XKR9: variants seen among roughly 807,000 people sequenced by gnomAD.
The protein encoded by XKR9 is XK-related protein 9.
XKR9 carries 32 observed loss-of-function variants against 32.0 expected under a neutral mutation model. The ratio of observed to expected loss-of-function variants is 1.00; its 90% confidence interval spans 0.76 to 1.34. The LOEUF (loss-of-function observed/expected upper bound fraction) is 1.34. XKR9 is among the 40% of genes most tolerant of loss of function. The pLI, the probability that XKR9 is intolerant of heterozygous loss-of-function variation, is 0.00. For synonymous variants in XKR9, 168 were observed against 143.4 expected, an observed-to-expected ratio of 1.17 and a Z score of -1.22; for missense variants, 546 against 429.7, an observed-to-expected ratio of 1.27 and a Z score of -2.39.
the XKR9 span, among the ~76,000 whole-genome samples, chr8:70,908,183 C>A: frequency 7.0e-6 from 1 of 143,586 alleles, no homozygotes; most frequent in Admixed American, 7.0e-5. Flanking sequence ...GTAATTAATT[C>A]ATGCATTCAT....
chr8:70,942,265 C>G, the XKR9 span, among the ~76,000 whole-genome samples: 1 of 152,086 alleles, frequency 6.6e-6, no homozygotes, highest in Non-Finnish European at 1.5e-5. Flanking sequence ...AACACATCAC[C>G]CTGCAGCTAG....
chr8:70,755,464 G>A (rs1225385879), intron 2 of XKR9, among the ~76,000 whole-genome samples: 1 of 152,134 alleles, frequency 6.6e-6, no homozygotes, highest in Non-Finnish European at 1.5e-5. Flanking sequence ...GCACACGTAT[G>A]TTTATTGTGG....
At chr8:70,968,112 G>A in the XKR9 span, among the ~76,000 whole-genome samples, 1 of 152,076 alleles carries the variant, frequency 6.6e-6, no homozygotes, top group African/African-American at 2.4e-5. Context: ...AATCCCATAT[G>A]TCTTGGAAAT....
chr8:70,747,733 C>G (rs1165808546), intron 2 of XKR9, among the ~76,000 whole-genome samples: 1 of 152,136 alleles, frequency 6.6e-6, no homozygotes, highest in Non-Finnish European at 1.5e-5. Context: ...AGCCTTAATT[C>G]TTGGCTTGAG....
the XKR9 span, among the ~76,000 whole-genome samples, chr8:70,975,280 C>A: frequency 2.0e-5 from 3 of 152,106 alleles, no homozygotes; most frequent in South Asian, 6.2e-4. Context: ...CTTTTGTTGC[C>A]ATTGCTTTTG....
At chr8:70,759,404 A>T (rs1419017589) in intron 2 of XKR9, among the ~76,000 whole-genome samples, 1 of 152,194 alleles carries the variant, frequency 6.6e-6, no homozygotes, top group Admixed American at 6.6e-5. Flanking sequence ...TAATTTTTCT[A>T]AGGATATAGT....
At chr8:70,743,387 G>A (rs980529850) in intron 2 of XKR9, among the ~76,000 whole-genome samples, 112 of 152,134 alleles carry the variant, frequency 7.4e-4, no homozygotes, top group African/African-American at 2.5e-3. Flanking sequence ...TTTTGGGATT[G>A]GTCTCCATTC....
chr8:70,755,323 A>C (rs1807204915), intron 2 of XKR9, among the ~76,000 whole-genome samples: 1 of 152,210 alleles, frequency 6.6e-6, no homozygotes, highest in Non-Finnish European at 1.5e-5. Flanking sequence ...ACTGTAAACT[A>C]GTTCAACCAT....
intron 4 of XKR9, among the ~76,000 whole-genome samples, chr8:70,711,120 A>T (rs1805905267): frequency 1.3e-5 from 2 of 152,210 alleles, no homozygotes; most frequent in Admixed American, 6.5e-5. Flanking sequence ...AAGTCAAAAA[A>T]TAGCAGATGT....
At chr8:70,815,917 G>T in the XKR9 span, among the ~76,000 whole-genome samples, 2 of 151,948 alleles carry the variant, frequency 1.3e-5, no homozygotes, top group Non-Finnish European at 2.9e-5. Context: ...AGTTGATTCC[G>T]TGTCTTTGCC....
the XKR9 span, among the ~76,000 whole-genome samples, chr8:70,805,625 A>T: frequency 6.6e-6 from 1 of 152,160 alleles, no homozygotes; most frequent in Non-Finnish European, 1.5e-5. Context: ...ACAGCCCAAC[A>T]CACTGGCTGT....
the XKR9 span, among the ~76,000 whole-genome samples, chr8:70,850,476 A>G: frequency 6.8e-6 from 1 of 147,416 alleles, no homozygotes. Context: ...AAAAAAAAAA[A>G]AAAAAAAAGA....
chr8:70,717,592 C>T (rs928136720), intron 4 of XKR9, among the ~76,000 whole-genome samples: 5 of 152,152 alleles, frequency 3.3e-5, no homozygotes, highest in African/African-American at 1.2e-4. Flanking sequence ...TGTCCTGAGG[C>T]TGCATAGAGC....
chr8:70,752,060 T>A (rs886400875), intron 2 of XKR9, among the ~76,000 whole-genome samples: 2 of 152,210 alleles, frequency 1.3e-5, no homozygotes, highest in African/African-American at 4.8e-5. Context: ...CCAATTGATT[T>A]TTTTGTCTTT....
chr8:70,950,534 G>C, the XKR9 span, among the ~76,000 whole-genome samples: 4 of 152,120 alleles, frequency 2.6e-5, no homozygotes, highest in Non-Finnish European at 2.9e-5. Context: ...CAGAGCCATG[G>C]GCAGGTGACA....
At chr8:70,710,548 G>A (rs1030703325) in intron 4 of XKR9, among the ~76,000 whole-genome samples, 7 of 151,824 alleles carry the variant, frequency 4.6e-5, no homozygotes, top group African/African-American at 1.5e-4. Flanking sequence ...TAAACATAGA[G>A]AACAATTAGC....
At chr8:70,888,527 C>A in the XKR9 span, among the ~76,000 whole-genome samples, 10 of 151,980 alleles carry the variant, frequency 6.6e-5, no homozygotes, top group Non-Finnish European at 1.3e-4. Flanking sequence ...AAAATCTTTA[C>A]ACAGACCCAG....
At chr8:70,692,275 C>T (rs1375348006) in intron 3 of XKR9, among the ~76,000 whole-genome samples, 1 of 152,092 alleles carries the variant, frequency 6.6e-6, no homozygotes, top group Admixed American at 6.6e-5. Flanking sequence ...TTATATCCTG[C>T]ACCTTTGCTG....
the XKR9 span, among the ~76,000 whole-genome samples, chr8:70,885,513 T>G: frequency 1.3e-5 from 2 of 152,052 alleles, no homozygotes; most frequent in Non-Finnish European, 1.5e-5. Flanking sequence ...ATCTGTCATC[T>G]AGGTTTTAAG....
Sources: allele counts gnomAD v4.1 joint callset (sites outside exome capture counted in the v4.1 genomes callset), GRCh38; gene constraint gnomAD v4.1.1; transcripts MANE v1.5; gene names NCBI Gene and HGNC (gene_info 2026-07-23, HGNC 2026-07-21).